AGMO: variants seen among roughly 807,000 people sequenced by gnomAD.
The protein encoded by AGMO is glyceryl-ether monooxygenase.
Under a neutral mutation model 60.2 loss-of-function variants are expected in AGMO, and 75 were observed. That is an observed-to-expected ratio of 1.25 (90% CI 1.03 to 1.51). The LOEUF (loss-of-function observed/expected upper bound fraction) is 1.51. AGMO is among the 40% of genes most tolerant of loss of function. AGMO has a pLI of 0.00. For missense variants in AGMO, 763 were observed against 525.5 expected (o/e 1.45, Z -4.42); for synonymous variants, 261 against 177.1 (o/e 1.47, Z -3.76).
intron 12 of AGMO, among the ~76,000 whole-genome samples, chr7:15,280,892 T>G (rs1156274255): frequency 6.6e-6 from 1 of 152,174 alleles, no homozygotes; most frequent in African/African-American, 2.4e-5. Flanking sequence ...CTAATGTAGA[T>G]AGAGTCTACA....
At chr7:15,522,215 G>C (rs934564869) in intron 3 of AGMO, among the ~76,000 whole-genome samples, 2 of 152,090 alleles carry the variant, frequency 1.3e-5, no homozygotes, top group Admixed American at 6.6e-5. Context: ...CAAACAAATG[G>C]AAAATTATTC....
intron 12 of AGMO, among the ~76,000 whole-genome samples, chr7:15,265,023 A>G (rs1783390648): frequency 6.6e-6 from 1 of 152,152 alleles, no homozygotes; most frequent in East Asian, 1.9e-4. Context: ...AAAGACATGG[A>G]ATAAACCTAT....
intron 3 of AGMO, among the ~76,000 whole-genome samples, chr7:15,522,961 A>G (rs1784041207): frequency 6.6e-6 from 1 of 152,226 alleles, no homozygotes; most frequent in Non-Finnish European, 1.5e-5. Flanking sequence ...ACAAAGGGCT[A>G]ATATTCAGAC....
At chr7:15,335,682 C>T (rs77543549) in intron 12 of AGMO, among the ~76,000 whole-genome samples, 29,192 of 152,112 alleles carry the variant, frequency 0.19, 3,038 homozygotes, top group Admixed American at 0.24. Flanking sequence ...GAAATGTTCT[C>T]TGCATACCAG....
chr7:15,298,988 G>A (rs1170148302), intron 12 of AGMO, among the ~76,000 whole-genome samples: 1 of 151,956 alleles, frequency 6.6e-6, no homozygotes. Flanking sequence ...TTGTCCCCCA[G>A]GACTCCCTAC....
intron 5 of AGMO, among the ~76,000 whole-genome samples, chr7:15,416,900 A>G (rs1357327164): frequency 1.3e-5 from 2 of 151,726 alleles, no homozygotes; most frequent in African/African-American, 2.4e-5. Flanking sequence ...AATACTTAAT[A>G]CTCCTCCCAC....
At chr7:15,458,370 G>A (rs914729632) in intron 3 of AGMO, among the ~76,000 whole-genome samples, 1 of 152,282 alleles carries the variant, frequency 6.6e-6, no homozygotes, top group Admixed American at 6.5e-5. Flanking sequence ...ATAATGTGCA[G>A]GAGTATTTTT....
chr7:15,177,553 A>C, the AGMO span, among the ~76,000 whole-genome samples: 1 of 152,076 alleles, frequency 6.6e-6, no homozygotes, highest in Non-Finnish European at 1.5e-5. Context: ...TCTGGTAGGA[A>C]AGTAACAGGA....
intron 12 of AGMO, among the ~76,000 whole-genome samples, chr7:15,237,898 A>G (rs898063946): frequency 6.6e-6 from 1 of 151,930 alleles, no homozygotes; most frequent in South Asian, 2.1e-4. Flanking sequence ...CAATTTTACA[A>G]CTCCATATAG....
the AGMO span, among the ~76,000 whole-genome samples, chr7:15,178,357 T>C: frequency 1.3e-5 from 2 of 152,180 alleles, no homozygotes; most frequent in Non-Finnish European, 2.9e-5. Flanking sequence ...GAAGGCATTA[T>C]TGCACTGCTT....
chr7:15,446,295 T>C (rs74374069), intron 3 of AGMO, among the ~76,000 whole-genome samples: 1,868 of 152,290 alleles, frequency 0.012, 37 homozygotes, highest in Middle Eastern at 0.044. Flanking sequence ...AGTACATTTC[T>C]CCTAGTAATT....
the AGMO span, among the ~76,000 whole-genome samples, chr7:15,144,833 TTTG>T: frequency 1.4e-4 from 22 of 152,260 alleles, no homozygotes; most frequent in Non-Finnish European, 2.5e-4. Context: ...TTTGTTTGTT[TTTG>T]TTGTTGTTGT....
At chr7:15,458,244 T>C (rs1165421365) in intron 3 of AGMO, among the ~76,000 whole-genome samples, 1 of 152,164 alleles carries the variant, frequency 6.6e-6, no homozygotes, top group Non-Finnish European at 1.5e-5. Flanking sequence ...AACAAATATT[T>C]GCAAAGATTT....
intron 4 of AGMO, among the ~76,000 whole-genome samples, chr7:15,424,076 T>C (rs1780996235): frequency 1.3e-5 from 2 of 152,184 alleles, no homozygotes; most frequent in South Asian, 2.1e-4. Flanking sequence ...ACCTCCTCCA[T>C]TGCAAAATTT....
At position 15,259,425 on chromosome 7, in the gene AGMO, C is replaced by G. The variant is rs530914651; in HGVS notation, c.1264-58066G>C. On this transcript the variant is annotated intron_variant, in intron 12 of 12. Coordinates refer to ENST00000342526, the MANE Select transcript of AGMO (RefSeq NM_001004320.2). ...CTGGGACTATGTTAAACATACAAAC[C>G]TAAGAATAATTTGTGTTCCCAAGGA... Among the ~76,000 whole-genome samples the G allele has an allele frequency of 3.6e-4, 54 of 152,024 alleles. No individual in the cohort carries two copies. The South Asian group carries it at 7.9e-3, about 22-fold the overall frequency.
the AGMO span, among the ~76,000 whole-genome samples, chr7:15,180,390 T>C: frequency 0.14 from 20,590 of 152,168 alleles, 1,960 homozygotes; most frequent in East Asian, 0.47. Context: ...CTGAATTTCA[T>C]AAAGTCCTAG....
chr7:15,413,521 T>G (rs1411399581), intron 5 of AGMO, among the ~76,000 whole-genome samples: 2 of 152,180 alleles, frequency 1.3e-5, no homozygotes, highest in Non-Finnish European at 2.9e-5. Context: ...TGGCACGTTG[T>G]AGTCAAACTG....
At chr7:15,416,096 T>C (rs1162213687) in intron 5 of AGMO, among the ~76,000 whole-genome samples, 3 of 150,266 alleles carry the variant, frequency 2.0e-5, no homozygotes, top group Non-Finnish European at 4.4e-5. Context: ...TGCAGTGGCA[T>C]GATCTTGGCT....
At chr7:15,244,304 G>A (rs1158223810) in intron 12 of AGMO, among the ~76,000 whole-genome samples, 1 of 152,058 alleles carries the variant, frequency 6.6e-6, no homozygotes, top group Non-Finnish European at 1.5e-5. Flanking sequence ...ATATATAAAA[G>A]ACTACCTTGA....
Sources: allele counts gnomAD v4.1 joint callset (sites outside exome capture counted in the v4.1 genomes callset), GRCh38; gene constraint gnomAD v4.1.1; transcripts MANE v1.5; gene names NCBI Gene and HGNC (gene_info 2026-07-23, HGNC 2026-07-21).